Variants in SLC10A7 observed in about 807,000 individuals in gnomAD.
SLC10A7 encodes the protein sodium/bile acid cotransporter 7.
SLC10A7 carries 29 observed loss-of-function variants against 43.2 expected under a neutral mutation model. That is an observed-to-expected ratio of 0.67 (90% CI 0.50 to 0.92). The LOEUF (loss-of-function observed/expected upper bound fraction) is 0.92, where lower values mean the gene tolerates loss of function less well. Ranked by LOEUF, SLC10A7 falls within the 40% of genes least tolerant of loss-of-function variation. The probability of loss-of-function intolerance (pLI) is 0.00; values close to 1 mark genes in which losing one functional copy is unlikely to be tolerated. For synonymous variants in SLC10A7, 152 were observed against 144.8 expected (o/e 1.05, Z -0.35); for missense variants, 295 against 403.2 (o/e 0.73, Z 2.30).
intron 8 of SLC10A7, 126 bp downstream of exon 8, chr4:146,293,803 TA>T: frequency 1.8e-6 from 1 of 547,426 alleles, no homozygotes; most frequent in Non-Finnish European, 3.1e-6. Context: ...TGAGTAAATG[TA>T]AAATAAAATT....
chr4:146,436,696 T>C (rs899398774), intron 5 of SLC10A7, among the ~76,000 whole-genome samples: 5 of 152,060 alleles, frequency 3.3e-5, no homozygotes, highest in African/African-American at 1.2e-4. Context: ...CTTTCAATCC[T>C]TTGGATTGCA....
intron 5 of SLC10A7, among the ~76,000 whole-genome samples, chr4:146,385,529 T>C (rs975727021): frequency 6.6e-6 from 1 of 152,194 alleles, no homozygotes; most frequent in Non-Finnish European, 1.5e-5. Context: ...TGTCCTTTGC[T>C]TATTGATTAC....
intron 5 of SLC10A7, among the ~76,000 whole-genome samples, chr4:146,342,554 GA>G (rs1734340745): frequency 6.6e-6 from 1 of 151,360 alleles, no homozygotes; most frequent in Admixed American, 6.6e-5. Flanking sequence ...AAATACTAGT[GA>G]ATTTTTTTAC....
Position 146,292,990 on chromosome 4 carries a change from A to C in SLC10A7, c.722-10T>G. On this transcript the variant is annotated splice_polypyrimidine_tract_variant and intron_variant, in intron 8 of 11. Transcript: ENST00000335472. ...AGCTGGATAGAAAATACTGAAGAAA[A>C]AAAGATTGAATCTAAATTAGCACTC... 6.5e-7 allele frequency: 1 copy of C among 1,544,156 alleles called. No homozygotes were observed. Among genetic ancestry groups the C allele is most frequent in the African/African-American group, 1.4e-5 (1 of 73,066 alleles).
intron 6 of SLC10A7, among the ~76,000 whole-genome samples, chr4:146,324,427 T>G (rs900707536): frequency 6.6e-6 from 1 of 152,166 alleles, no homozygotes; most frequent in African/African-American, 2.4e-5. Flanking sequence ...TCTGAGATAC[T>G]CCAAGATGTT....
intron 5 of SLC10A7, among the ~76,000 whole-genome samples, chr4:146,343,590 C>G (rs1050137586): frequency 6.6e-6 from 1 of 151,966 alleles, no homozygotes; most frequent in Non-Finnish European, 1.5e-5. Context: ...GGGAGATAAA[C>G]TAGTGGTCAA....
At chr4:146,410,323 C>A (rs990354055) in intron 5 of SLC10A7, among the ~76,000 whole-genome samples, 2 of 152,022 alleles carry the variant, frequency 1.3e-5, no homozygotes, top group Admixed American at 6.6e-5. Flanking sequence ...ACTACAAAGC[C>A]AACTAAAACT....
rs148736328 is a variant in SLC10A7 at position 146,425,464 on chromosome 4, A to G, written c.435+17319T>C. Among the ~76,000 whole-genome samples, 363 of 152,306 alleles carry G rather than the reference A, an allele frequency of 2.4e-3. 3 individuals carry two copies. Among genetic ancestry groups the G allele is most frequent in the African/African-American group, 8.3e-3 (346 of 41,568 alleles). ...TGTGGCTAGTGTGACTGAGGAATAG[A>G]AAAGTTTAACTTCATTTAATTTTCA... is the stretch of plus-strand genomic sequence containing the variant. On this transcript the variant is annotated intron_variant, in intron 5 of 11. Coordinates refer to ENST00000335472, the MANE Select transcript of SLC10A7 (RefSeq NM_001029998.6).
At chr4:146,399,414 A>C (rs1739064555) in intron 5 of SLC10A7, among the ~76,000 whole-genome samples, 1 of 152,208 alleles carries the variant, frequency 6.6e-6, no homozygotes, top group Non-Finnish European at 1.5e-5. Flanking sequence ...GTATGGGAAT[A>C]CAATGTAAAC....
chr4:146,360,758 CTCTT>C (rs1324916019), intron 5 of SLC10A7, among the ~76,000 whole-genome samples: 1 of 152,054 alleles, frequency 6.6e-6, no homozygotes, highest in Non-Finnish European at 1.5e-5. Context: ...TGCCCAGCCT[CTCTT>C]TCTTTTTAAA....
At chr4:146,472,498 C>A (rs1287911658) in intron 4 of SLC10A7, among the ~76,000 whole-genome samples, 1 of 150,452 alleles carries the variant, frequency 6.6e-6, no homozygotes, top group Non-Finnish European at 1.5e-5. Flanking sequence ...GCATATTACT[C>A]CACTGTCAGT....
chr4:146,264,269 T>C (rs1307947755), intron 10 of SLC10A7, among the ~76,000 whole-genome samples: 1 of 152,244 alleles, frequency 6.6e-6, no homozygotes, highest in Non-Finnish European at 1.5e-5. Context: ...CAAGCTTCAA[T>C]AATAACTACT....
chr4:146,451,881 C>G (rs539220713), intron 4 of SLC10A7, among the ~76,000 whole-genome samples: 8 of 152,128 alleles, frequency 5.3e-5, no homozygotes, highest in Admixed American at 2.0e-4. Context: ...CTTCTTCCTG[C>G]CGAGAGCAGC....
chr4:146,519,200 A>G (rs1234295405), intron 1 of SLC10A7, among the ~76,000 whole-genome samples: 1 of 137,436 alleles, frequency 7.3e-6, no homozygotes, highest in Non-Finnish European at 1.5e-5. Flanking sequence ...AATATACATA[A>G]TATCTCAAGG....
chr4:146,292,614 A>C (rs1422804006), intron 9 of SLC10A7, among the ~76,000 whole-genome samples: 2 of 152,226 alleles, frequency 1.3e-5, no homozygotes, highest in Non-Finnish European at 2.9e-5. Flanking sequence ...CATAGGGTTC[A>C]AACTCAGTTA....
At chr4:146,449,254 G>A (rs1027016514) in intron 4 of SLC10A7, among the ~76,000 whole-genome samples, 1 of 152,100 alleles carries the variant, frequency 6.6e-6, no homozygotes, top group Non-Finnish European at 1.5e-5. Flanking sequence ...CAAAGGTGAG[G>A]GGCTGCCTAG....
intron 5 of SLC10A7, among the ~76,000 whole-genome samples, chr4:146,432,803 G>A (rs1283497310): frequency 6.6e-6 from 1 of 152,092 alleles, no homozygotes; most frequent in African/African-American, 2.4e-5. Flanking sequence ...ACTTTGGGAG[G>A]CCAAGGTGGG....
intron 3 of SLC10A7, 48 bp from the exon 4 acceptor site, chr4:146,503,972 A>G (rs1736658780): frequency 6.9e-7 from 1 of 1,455,506 alleles, no homozygotes; most frequent in East Asian, 2.3e-5. Context: ...ATAATCATAG[A>G]CAGCTTTCAC....
intron 4 of SLC10A7, among the ~76,000 whole-genome samples, chr4:146,485,559 C>T (rs1384812092): frequency 4.6e-5 from 7 of 152,126 alleles, no homozygotes; most frequent in African/African-American, 7.2e-5. Flanking sequence ...AATCTCCTGT[C>T]CTAGAAGACC....
Sources: allele counts gnomAD v4.1 joint callset (sites outside exome capture counted in the v4.1 genomes callset), GRCh38; gene constraint gnomAD v4.1.1; transcripts MANE v1.5; gene names NCBI Gene and HGNC (gene_info 2026-07-23, HGNC 2026-07-21).